The following WTAP variants were observed in gnomAD, a reference collection of about 807,000 sequenced individuals.
WTAP encodes the protein pre-mRNA-splicing regulator WTAP.
Under a neutral mutation model 50.0 loss-of-function variants are expected in WTAP, and 8 were observed. That is an observed-to-expected ratio of 0.16 (90% CI 0.09 to 0.29). WTAP has a LOEUF of 0.29. Among genes scored for constraint, WTAP ranks in the 10% least tolerant of loss-of-function variants. WTAP has a pLI of 1.00. For synonymous variants in WTAP, 194 were observed against 169.0 expected (o/e 1.15, Z -1.15); for missense variants, 295 against 470.7 (o/e 0.63, Z 3.45).
Position 159,756,265 on chromosome 6 carries a change from A to T in WTAP, c.*654A>T, listed in dbSNP as rs1780009587. ...ATGCATATTGCTCTGTGACTCCAGTATATCTTACCTGTACTGACCAAACCT... is the reference window on the plus strand; with the variant it reads ...ATGCATATTGCTCTGTGACTCCAGTTTATCTTACCTGTACTGACCAAACCT... On this transcript the variant is annotated 3_prime_UTR_variant, in exon 8 of 8. Coordinates refer to ENST00000621533, the MANE Select transcript of WTAP (RefSeq NM_001270531.2). The T allele has an allele frequency of 6.5e-6, 1 of 152,704 alleles. No homozygotes were observed. Among genetic ancestry groups the T allele is most frequent in the Non-Finnish European group, 1.5e-5 (1 of 68,112 alleles). 9.5% of individuals were successfully genotyped at this position (152,704 alleles called of 1,614,324 possible). A position where few individuals can be genotyped will look rare whatever the true frequency, so the allele number is the denominator to read the frequency against.
chr6:159,733,773 G>A (rs749526489), intron 1 of WTAP, among the ~76,000 whole-genome samples: 7 of 152,060 alleles, frequency 4.6e-5, no homozygotes, highest in Non-Finnish European at 7.4e-5. Flanking sequence ...GAAGTTAGCC[G>A]GGCGTGGTGG....
upstream of WTAP, chr6:159,726,919 C>T (rs1343380122): frequency 7.8e-7 from 1 of 1,288,770 alleles, no homozygotes; most frequent in African/African-American, 1.5e-5. Flanking sequence ...GAGGTGGCAC[C>T]TGGTCCTCCG....
At chr6:159,750,866 G>A (rs1779794720) in intron 6 of WTAP, among the ~76,000 whole-genome samples, 1 of 152,206 alleles carries the variant, frequency 6.6e-6, no homozygotes, top group Admixed American at 6.5e-5. Flanking sequence ...ATTTCCAGTG[G>A]TGGAATGGGT....
upstream of WTAP, chr6:159,726,905 T>C (rs996672987): frequency 4.4e-5 from 57 of 1,288,874 alleles, no homozygotes; most frequent in Non-Finnish European, 1.8e-5. Context: ...ACGGCCTCTC[T>C]CTTGAGGTGG....
chr6:159,739,665 C>T (rs953835181), intron 3 of WTAP, among the ~76,000 whole-genome samples: 1 of 151,932 alleles, frequency 6.6e-6, no homozygotes, highest in Non-Finnish European at 1.5e-5. Flanking sequence ...TTCTTGATAA[C>T]TTAGATAAAA....
chr6:159,736,475 T>C, intron 2 of WTAP, 180 bp downstream of exon 2: 1 of 470,802 alleles, frequency 2.1e-6, no homozygotes, highest in South Asian at 4.5e-5. Flanking sequence ...GTATCTTATA[T>C]CCAGTATATT....
chr6:159,727,076 G>C (rs138376606), upstream of WTAP: 60 of 1,204,294 alleles, frequency 5.0e-5, no homozygotes, highest in Non-Finnish European at 6.0e-5. Context: ...TGATGCCCTG[G>C]GGCTGACCTC....
At position 159,755,723 on chromosome 6, in the gene WTAP, G is replaced by GTT. The variant is rs202118718; in HGVS notation, c.*120_*121dup. 77 of 834,718 alleles carry GTT rather than the reference G, an allele frequency of 9.2e-5. No homozygotes were observed. The highest frequency in any genetic ancestry group is 3.8e-4 in the African/African-American group (12 of 31,920). 51.7% of individuals were successfully genotyped at this position (834,718 alleles called of 1,614,324 possible). On this transcript the variant is annotated 3_prime_UTR_variant, in exon 8 of 8. Coordinates refer to ENST00000621533, the MANE Select transcript of WTAP (RefSeq NM_001270531.2). ...TGCCTTTTTGTGGGTGTACGTTTTG[G>GTT]TTTTTTTTTGTTGTTTTTTTTCTTT...
At chr6:159,740,599 G>A (rs1181677660) in intron 3 of WTAP, among the ~76,000 whole-genome samples, 2 of 151,726 alleles carry the variant, frequency 1.3e-5, no homozygotes, top group African/African-American at 2.4e-5. Flanking sequence ...ACGTGTCTTA[G>A]GTTGTAAGTG....
intron 1 of WTAP, among the ~76,000 whole-genome samples, chr6:159,735,459 A>C (rs146413725): frequency 6.6e-6 from 1 of 152,192 alleles, no homozygotes; most frequent in East Asian, 1.9e-4. Flanking sequence ...ATATTTTAAA[A>C]TATGTAATAG....
In WTAP at chr6:159,755,357, T is replaced by C; in HGVS notation, c.937T>C (p.Ser313Pro). ...TTCTTCTCCAGGGAATGGTAATAAGTCCTCCAACAGCTCAGAGGAGAGAAC... is the reference window on the plus strand; with the variant it reads ...TTCTTCTCCAGGGAATGGTAATAAGCCCTCCAACAGCTCAGAGGAGAGAAC... ...FPSSPGNGNK[S>P]SNSSEERTGR... is the part of the protein sequence containing the mutation. Residue 313 changes from serine (S) to proline (P), a missense_variant, in exon 8 of 8, where the codon TCC becomes CCC. By Grantham distance (74) the Ser-to-Pro change is moderately conservative (BLOSUM62 -1). This residue lies in a region of WTAP where 175 missense variants were observed against 183.1 expected (regional missense o/e 0.96). Coordinates refer to ENST00000621533, the MANE Select transcript of WTAP (RefSeq NM_001270531.2). 6.2e-7 allele frequency: 1 copy of C among 1,614,152 alleles called. No individual in the cohort carries two copies. The highest frequency in any genetic ancestry group is 1.7e-5 in the Admixed American group (1 of 60,022).
intron 3 of WTAP, among the ~76,000 whole-genome samples, chr6:159,739,621 T>C (rs557676538): frequency 1.3e-5 from 2 of 152,308 alleles, no homozygotes; most frequent in South Asian, 4.1e-4. Context: ...TTTAAATATA[T>C]TCTTTCTGTA....
intron 3 of WTAP, among the ~76,000 whole-genome samples, chr6:159,740,158 T>C (rs574354398): frequency 6.6e-6 from 1 of 152,108 alleles, no homozygotes; most frequent in Admixed American, 6.5e-5. Flanking sequence ...ATTTTTTTTT[T>C]CCCTGTCTCT....
rs778477122 is a variant in WTAP, at chr6:159,755,495, A to G, written c.1075A>G (p.Ser359Gly). 1.2e-6 allele frequency: 2 copies of G among 1,614,062 alleles called. No homozygotes were observed. The highest frequency in any genetic ancestry group is 1.7e-6 in the Non-Finnish European group (2 of 1,180,038). The change falls in exon 8 of 8, where the codon AGT (serine) becomes GGT (glycine). Residue 359 changes from serine to glycine, a missense_variant. Ser to Gly is a moderately conservative substitution (Grantham distance 56). This residue lies in a region of WTAP where 175 missense variants were observed against 183.1 expected (regional missense o/e 0.96). Transcript: ENST00000621533. ...ACACCAATCAAATGACACAGACTCC[A>G]GTCATGACCCTCAAGAGGAGAAAGC... ...LTHQSNDTDS[S>G]HDPQEEKAVS...
chr6:159,742,155 G>C lies in WTAP; in HGVS notation c.145+9G>C. The C allele has an allele frequency of 6.3e-7, 1 of 1,597,800 alleles. No homozygotes were observed. The highest frequency in any genetic ancestry group is 1.1e-5 in the South Asian group (1 of 87,980). ...GTACACAGATCTTAACTGTAAGTTT[G>C]AGTTTTAGCTTCCTAAAGACTGAAT... is the stretch of plus-strand genomic sequence containing the variant. On this transcript the variant is annotated intron_variant, in intron 4 of 7. Transcript: ENST00000621533.
chr6:159,727,625 G>C lies in WTAP; in HGVS notation c.-87G>C. 4 of 986,082 alleles carry C rather than the reference G, an allele frequency of 4.1e-6. No homozygotes were observed. Among genetic ancestry groups the C allele is most frequent in the Non-Finnish European group, 4.8e-6 (4 of 830,558 alleles). The allele number at this position is 986,082 out of a possible 1,614,324, so 61.1% of individuals were successfully genotyped here. A position where few individuals can be genotyped will look rare whatever the true frequency, so the allele number is the denominator to read the frequency against. ...AGCTGTCCGGCTGCGCGGTGGCCCG[G>C]GGGGCCCGGGCGGCAGGGCAAGCAG... On this transcript the variant is annotated 5_prime_UTR_variant, in exon 1 of 8. Transcript: ENST00000621533.
At position 159,727,618 on chromosome 6, in the gene WTAP, TGGCCCGGGG is replaced by T. The variant is rs902495148; in HGVS notation, c.-85_-77del. ...GCGGCAGAGCTGTCCGGCTGCGCGG[TGGCCCGGGG>T]GGCCCGGGCGGCAGGGCAAGCAGCG... On this transcript the variant is annotated 5_prime_UTR_variant, in exon 1 of 8. Coordinates refer to ENST00000621533, the MANE Select transcript of WTAP (RefSeq NM_001270531.2). 4.0e-5 allele frequency: 39 copies of T among 985,768 alleles called. No homozygotes were observed. Among genetic ancestry groups the T allele is most frequent in the South Asian group, 4.6e-5 (1 of 21,774 alleles). The allele number at this position is 985,768 out of a possible 1,614,324, so 61.1% of individuals were successfully genotyped here.
Position 159,742,598 on chromosome 6 carries a change from C to T in WTAP, c.145+452C>T, listed in dbSNP as rs898580876. 2.6e-5 allele frequency among the ~76,000 whole-genome samples: 4 copies of T among 152,030 alleles called. 1 individual carries two copies. Among genetic ancestry groups the T allele is most frequent in the Admixed American group, 6.5e-5 (1 of 15,284 alleles). On this transcript the variant is annotated intron_variant, in intron 4 of 7. Transcript: ENST00000621533. ...ATTTTTTTAAATCTGCTGAAAATAACGTTTATCATTTTAAGCCATTTTAGT... is the reference window on the plus strand; with the variant it reads ...ATTTTTTTAAATCTGCTGAAAATAATGTTTATCATTTTAAGCCATTTTAGT...
upstream of WTAP, chr6:159,727,265 C>T: frequency 7.8e-7 from 1 of 1,283,386 alleles, no homozygotes; most frequent in Non-Finnish European, 1.0e-6. Context: ...CCTCCCTTCA[C>T]CTTTCCTCTC....
Sources: allele counts gnomAD v4.1 joint callset (sites outside exome capture counted in the v4.1 genomes callset), GRCh38; gene constraint gnomAD v4.1.1; regional missense constraint gnomAD v4.1.1; transcripts MANE v1.5; gene names NCBI Gene and HGNC (gene_info 2026-07-23, HGNC 2026-07-21).